The following ZBTB25 variants were observed in gnomAD, a reference collection of about 807,000 sequenced individuals.
ZBTB25 encodes the protein zinc finger and BTB domain-containing protein 25.
ZBTB25 carries 20 observed loss-of-function variants against 34.2 expected under a neutral mutation model. That is an observed-to-expected ratio of 0.58 (90% confidence interval 0.41 to 0.85). The LOEUF is 0.85. Among genes scored for constraint, ZBTB25 ranks in the 40% least tolerant of loss-of-function variants. ZBTB25 has a pLI of 0.00. For synonymous variants in ZBTB25, 175 were observed against 186.4 expected, an observed-to-expected ratio of 0.94 and a Z score of 0.50; for missense variants, 437 against 521.8, an observed-to-expected ratio of 0.84 and a Z score of 1.58.
rs2123460 is a variant in ZBTB25 at position 64,485,507 on chromosome 14, C to A, written c.*1416G>T. ...TATAGAGCCGGGGAATCTGTTATTT[C>A]TTTCATCAACTTTAATTTTCCTGGG... On this transcript the variant is annotated 3_prime_UTR_variant, in exon 3 of 3. Transcript: ENST00000608382. 297,014 of 984,928 alleles carry A rather than the reference C, an allele frequency of 0.3. 46,255 individuals are homozygous for A. Among genetic ancestry groups the A allele is most frequent in the East Asian group, 0.41 (3,622 of 8,796 alleles). 61.0% of individuals were successfully genotyped at this position (984,928 alleles called of 1,614,324 possible).
Position 64,487,046 on chromosome 14 carries a change from G to A in ZBTB25, c.1185C>T (p.Tyr395=). 6.8e-6 allele frequency: 11 copies of A among 1,614,184 alleles called. No homozygotes were observed. The highest frequency in any genetic ancestry group is 9.3e-6 in the Non-Finnish European group (11 of 1,180,044). Residue 395 remains tyrosine (Y), a synonymous_variant, in exon 3 of 3, where the codon TAC becomes TAT. Transcript: ENST00000608382. ...GGGAGACATCAGACCAGCTGTCACA[G>A]TATGGCTGAAATCTCTGGGCCAATG... The part of the protein sequence containing the change: ...GNALAQRFQP[Y]CDSWSDVSLK...
chr14:64,449,990 C>G (rs982158839), intron 2 of ZBTB25, among the ~76,000 whole-genome samples: 5 of 152,190 alleles, frequency 3.3e-5, no homozygotes, highest in Non-Finnish European at 7.3e-5. Flanking sequence ...TGGGGTTTCA[C>G]CATCTTGGCC....
intron 2 of ZBTB25, chr14:64,462,819 A>G (rs1031655007): frequency 3.3e-5 from 5 of 152,184 alleles, no homozygotes; most frequent in African/African-American, 1.2e-4. Flanking sequence ...GGTTCATTCA[A>G]TGGTGTCCCA....
intron 2 of ZBTB25, chr14:64,467,416 T>G (rs1039674226): frequency 3.9e-5 from 6 of 152,212 alleles, no homozygotes; most frequent in African/African-American, 7.2e-5. Context: ...ATGTGCAGAT[T>G]ATGGTGGAAA....
chr14:64,470,240 G>A (rs1336833639), intron 2 of ZBTB25: 1 of 167,182 alleles, frequency 6.0e-6, no homozygotes, highest in African/African-American at 2.4e-5. Context: ...CAGATAGTGT[G>A]CAGAATATGC....
chr14:64,471,081 CTG>C (rs988927536), intron 2 of ZBTB25: 26 of 166,626 alleles, frequency 1.6e-4, no homozygotes, highest in African/African-American at 5.3e-4. Context: ...TCCTTCATGT[CTG>C]TGTGTTGAGA....
chr14:64,486,254 A>G lies in ZBTB25; in HGVS notation c.*669T>C. On this transcript the variant is annotated 3_prime_UTR_variant, in exon 3 of 3. Transcript: ENST00000608382. ...GAGGCGGAGCTTGCAGTCAGCCGAG[A>G]TCGCGCCACTGCGCCCCAGCCTGGG... 3.2e-6 allele frequency: 3 copies of G among 950,374 alleles called. No individual in the cohort carries two copies. The highest frequency in any genetic ancestry group is 2.5e-6 in the Non-Finnish European group (2 of 798,192). The allele number at this position is 950,374 out of a possible 1,614,324, so 58.9% of individuals were successfully genotyped here. A position where few individuals can be genotyped will look rare whatever the true frequency, so the allele number is the denominator to read the frequency against.
chr14:64,495,125 T>A (rs905237497), intron 1 of ZBTB25, among the ~76,000 whole-genome samples: 2 of 152,246 alleles, frequency 1.3e-5, no homozygotes, highest in Admixed American at 6.5e-5. Context: ...CAGTCTCCAC[T>A]GATTAGGGTG....
rs2078877488 is a variant in ZBTB25, at chr14:64,486,853, T to C, written c.*70A>G. ...CAATGAAACTTGAGGAGGAAAATAATTTATGAATTAAAAATGCCACGCAAA... is the reference window on the plus strand; with the variant it reads ...CAATGAAACTTGAGGAGGAAAATAACTTATGAATTAAAAATGCCACGCAAA... On this transcript the variant is annotated 3_prime_UTR_variant, in exon 3 of 3. Coordinates refer to ENST00000608382, the MANE Select transcript of ZBTB25 (RefSeq NM_006977.5). 1.3e-6 allele frequency: 2 copies of C among 1,495,398 alleles called. No individual in the cohort carries two copies. The highest frequency in any genetic ancestry group is 1.8e-6 in the Non-Finnish European group (2 of 1,126,088). The allele number at this position is 1,495,398 out of a possible 1,614,324, so 92.6% of individuals were successfully genotyped here.
At chr14:64,456,942 T>C (rs2078484306) in intron 2 of ZBTB25, among the ~76,000 whole-genome samples, 2 of 152,242 alleles carry the variant, frequency 1.3e-5, no homozygotes, top group South Asian at 4.1e-4. Flanking sequence ...GTATTCATTA[T>C]ATAGGACATT....
rs1353600542 is a variant in ZBTB25, at chr14:64,486,973, A to T, written c.1258T>A (p.Leu420Ile). The T allele has an allele frequency of 6.2e-7, 1 of 1,614,172 alleles. No individual in the cohort carries two copies. The highest frequency in any genetic ancestry group is 1.7e-5 in the Admixed American group (1 of 60,018). Reference protein sequence around the residue: ...SQEHLDLPCALESELTQENVD... With the variant: ...SQEHLDLPCAIESELTQENVD... ...TTTTCTTGTGTGAGCTCTGACTCTA[A>T]GGCACAAGGCAAGTCTAAGTGTTCT... The change falls in exon 3 of 3, where the codon TTA becomes ATA. Residue 420 changes from leucine (L) to isoleucine (I), a missense_variant. By Grantham distance (5) the Leu-to-Ile change is conservative. Transcript: ENST00000608382.
chr14:64,467,866 CA>C (rs1183477654), intron 2 of ZBTB25: 1 of 152,158 alleles, frequency 6.6e-6, no homozygotes, highest in African/African-American at 2.4e-5. Context: ...GCAATTCACA[CA>C]GACAACACAA....
At chr14:64,492,117 C>CAAAA (rs58321068) in intron 1 of ZBTB25, among the ~76,000 whole-genome samples, 4 of 74,016 alleles carry the variant, frequency 5.4e-5, no homozygotes, top group East Asian at 4.3e-4. Flanking sequence ...GACCCTATCT[C>CAAAA]AAAAAAAAAA....
At chr14:64,475,220 A>T (rs1024562862), downstream of ZBTB25, among the ~76,000 whole-genome samples, 6 of 152,164 alleles carry the variant, frequency 3.9e-5, no homozygotes, top group African/African-American at 1.4e-4. Context: ...CGGGCGGATC[A>T]CAAGGTCAGG....
intron 2 of ZBTB25, among the ~76,000 whole-genome samples, chr14:64,489,681 G>A (rs888684917): frequency 6.6e-6 from 1 of 151,144 alleles, no homozygotes; most frequent in Non-Finnish European, 1.5e-5. Flanking sequence ...GACTACAGGC[G>A]CCCACCACCA....
At chr14:64,461,256 T>C (rs1056000038) in intron 2 of ZBTB25, 3 of 152,122 alleles carry the variant, frequency 2.0e-5, no homozygotes, top group African/African-American at 4.8e-5. Context: ...TCCATGTCAA[T>C]GTTGTAATAC....
At chr14:64,502,226 T>G (rs1219799965) in intron 1 of ZBTB25, among the ~76,000 whole-genome samples, 1 of 152,166 alleles carries the variant, frequency 6.6e-6, no homozygotes, top group African/African-American at 2.4e-5. Flanking sequence ...AATAAGACAT[T>G]CAAGGTAGGA....
intron 1 of ZBTB25, among the ~76,000 whole-genome samples, chr14:64,498,344 C>T (rs1362775134): frequency 1.3e-5 from 2 of 149,408 alleles, no homozygotes; most frequent in African/African-American, 4.9e-5. Flanking sequence ...CTCGCTCTGT[C>T]GCCCAGGCTG....
At chr14:64,494,540 G>C (rs1029223546) in intron 1 of ZBTB25, among the ~76,000 whole-genome samples, 11 of 152,184 alleles carry the variant, frequency 7.2e-5, no homozygotes, top group African/African-American at 2.7e-4. Flanking sequence ...GGTTGAGGCA[G>C]AAGAATCACT....
Sources: allele counts gnomAD v4.1 joint callset (sites outside exome capture counted in the v4.1 genomes callset), GRCh38; gene constraint gnomAD v4.1.1; transcripts MANE v1.5; gene names NCBI Gene and HGNC (gene_info 2026-07-23, HGNC 2026-07-21).